The following METTL15 variants were observed in gnomAD, a reference collection of about 807,000 sequenced individuals.
METTL15 encodes the protein methyltransferase 15, mitochondrial 12S rRNA N4-cytidine, also known as 12S rRNA N(4)-cytidine methyltransferase METTL15.
A neutral mutation model predicts 38.3 loss-of-function variants in METTL15; 34 were observed. That is an observed-to-expected ratio of 0.89 (90% CI 0.68 to 1.18). The LOEUF (loss-of-function observed/expected upper bound fraction) is 1.18. Ranked by LOEUF, METTL15 falls within the 50% of genes most tolerant of loss-of-function variation. The pLI, the probability that METTL15 is intolerant of heterozygous loss-of-function variation, is 0.00. For missense variants in METTL15, 438 were observed against 498.4 expected (o/e 0.88, Z 1.15); for synonymous variants, 162 against 170.9 (o/e 0.95, Z 0.41).
intron 4 of METTL15, among the ~76,000 whole-genome samples, chr11:28,355,784 C>T (rs1373442599): frequency 6.6e-6 from 1 of 152,036 alleles, no homozygotes; most frequent in Non-Finnish European, 1.5e-5. Flanking sequence ...TAGAACCAGT[C>T]CCCCAGGCAT....
chr11:28,367,320 C>T (rs1850196151), intron 5 of METTL15, among the ~76,000 whole-genome samples: 1 of 151,940 alleles, frequency 6.6e-6, no homozygotes, highest in Non-Finnish European at 1.5e-5. Flanking sequence ...ACCAGAAAAC[C>T]TCTCTAATTA....
chr11:28,219,863 G>C (rs1853106891), intron 4 of METTL15, among the ~76,000 whole-genome samples: 1 of 152,146 alleles, frequency 6.6e-6, no homozygotes, highest in African/African-American at 2.4e-5. Context: ...CCATGTAGTT[G>C]AGTGGTTTTG....
At chr11:28,317,479 C>A (rs1027449292) in intron 6 of METTL15, among the ~76,000 whole-genome samples, 1 of 151,854 alleles carries the variant, frequency 6.6e-6, no homozygotes, top group African/African-American at 2.4e-5. Context: ...AATATTTAAA[C>A]CCTACCACTC....
Position 28,114,625 on chromosome 11 carries a change from A to AT in METTL15, c.270+1026dup, listed in dbSNP as rs375840198. Among the ~76,000 whole-genome samples, 203 of 151,972 alleles carry AT rather than the reference A, an allele frequency of 1.3e-3. 1 individual carries two copies. Among genetic ancestry groups the AT allele is most frequent in the African/African-American group, 4.7e-3 (193 of 41,460 alleles). The stretch of plus-strand genomic sequence containing the variant: ...ACTACCGTGGCCGGCTAATTTTTGT[A>AT]TTTTTAGTAGAGATGGGGTTTCACC... On this transcript the variant is annotated intron_variant, in intron 3 of 6. Coordinates refer to ENST00000407364, the MANE Select transcript of METTL15 (RefSeq NM_001113528.2).
chr11:28,370,938 T>G (rs972880170), intron 5 of METTL15, among the ~76,000 whole-genome samples: 2 of 152,074 alleles, frequency 1.3e-5, no homozygotes, highest in Non-Finnish European at 2.9e-5. Flanking sequence ...GCTCCTTATG[T>G]ATTCTGGTTA....
chr11:28,280,672 T>C (rs1481642085), intron 4 of METTL15, among the ~76,000 whole-genome samples: 1 of 151,506 alleles, frequency 6.6e-6, no homozygotes, highest in East Asian at 1.9e-4. Flanking sequence ...TTATGCTTTT[T>C]TTTTTTTTTT....
At chr11:28,194,192 C>CTTTCTTTCTTTCTTTTTCT (rs1554995677) in intron 3 of METTL15, among the ~76,000 whole-genome samples, 1 of 125,058 alleles carries the variant, frequency 8.0e-6, no homozygotes, top group Non-Finnish European at 1.6e-5. Flanking sequence ...CTCTCTCTCT[C>CTTTCTTTCTTTCTTTTTCT]CTCTCTCTCT....
intron 3 of METTL15, among the ~76,000 whole-genome samples, chr11:28,180,973 C>T (rs1042055480): frequency 1.3e-5 from 2 of 151,612 alleles, no homozygotes; most frequent in African/African-American, 2.4e-5. Flanking sequence ...TGCTAGGTTT[C>T]GTTTTCTACT....
intron 6 of METTL15, among the ~76,000 whole-genome samples, chr11:28,297,438 C>T (rs1041809722): frequency 2.0e-5 from 3 of 152,112 alleles, no homozygotes; most frequent in South Asian, 2.1e-4. Context: ...CTGTTCTAAA[C>T]AACCAACTAA....
At chr11:28,375,068 CA>C (rs1850292250) in intron 5 of METTL15, among the ~76,000 whole-genome samples, 3 of 149,812 alleles carry the variant, frequency 2.0e-5, no homozygotes, top group African/African-American at 7.4e-5. Flanking sequence ...TTCGTTTTGC[CA>C]GTAGTTTATT....
chr11:28,410,959 A>G (rs559017629), intron 5 of METTL15, among the ~76,000 whole-genome samples: 2 of 152,170 alleles, frequency 1.3e-5, no homozygotes, highest in African/African-American at 2.4e-5. Context: ...TAGCATTTCT[A>G]TACATACAAA....
intron 3 of METTL15, among the ~76,000 whole-genome samples, chr11:28,156,671 A>G (rs1185028833): frequency 2.0e-5 from 3 of 152,222 alleles, no homozygotes; most frequent in Admixed American, 1.3e-4. Context: ...AATTTTTTAA[A>G]TGATACAAAC....
chr11:28,153,599 A>T (rs1850167202), intron 3 of METTL15, among the ~76,000 whole-genome samples: 1 of 152,162 alleles, frequency 6.6e-6, no homozygotes, highest in Non-Finnish European at 1.5e-5. Flanking sequence ...AGCCCATGAA[A>T]ATATTAGTCT....
intron 3 of METTL15, among the ~76,000 whole-genome samples, chr11:28,202,843 G>T (rs1852165801): frequency 6.6e-6 from 1 of 152,078 alleles, no homozygotes; most frequent in Admixed American, 6.6e-5. Flanking sequence ...TCTGCAGATT[G>T]AAAATGACTA....
At chr11:28,459,466 CCA>C (rs1287420757) in intron 6 of METTL15, among the ~76,000 whole-genome samples, 1 of 152,144 alleles carries the variant, frequency 6.6e-6, no homozygotes, top group Non-Finnish European at 1.5e-5. Context: ...TTTCATAGTG[CCA>C]TCTTACCTTG....
chr11:28,529,334 G>A (rs952863845), downstream of METTL15, among the ~76,000 whole-genome samples: 6 of 152,070 alleles, frequency 3.9e-5, no homozygotes, highest in Non-Finnish European at 5.9e-5. Context: ...TCTGTCATCT[G>A]AAGCATGCAG....
chr11:28,169,157 G>A (rs1005131686), intron 3 of METTL15, among the ~76,000 whole-genome samples: 4 of 152,146 alleles, frequency 2.6e-5, no homozygotes, highest in Non-Finnish European at 4.4e-5. Context: ...GGTGGTGAGA[G>A]TTTAAATAAA....
chr11:28,441,856 C>G (rs1466452072), intron 6 of METTL15, among the ~76,000 whole-genome samples: 1 of 152,186 alleles, frequency 6.6e-6, no homozygotes, highest in Non-Finnish European at 1.5e-5. Context: ...CTGGTCTTCT[C>G]TCTAATTTCT....
chr11:28,449,802 A>T (rs537592948), intron 6 of METTL15, among the ~76,000 whole-genome samples: 1 of 152,284 alleles, frequency 6.6e-6, no homozygotes, highest in East Asian at 1.9e-4. Flanking sequence ...ATGCGGAAAG[A>T]CACTAACACA....
Sources: gnomAD v4.1 joint callset for allele counts (sites outside exome capture counted in the v4.1 genomes callset) on GRCh38, gnomAD v4.1.1 for gene constraint, MANE v1.5 for transcripts, NCBI Gene and HGNC (gene_info 2026-07-23, HGNC 2026-07-21) for gene names.